The following BACE2 variants were observed in gnomAD, a reference collection of about 807,000 sequenced individuals.
BACE2 encodes 56 kDa aspartic-like protease.
A neutral mutation model predicts 46.2 loss-of-function variants in BACE2; 17 were observed. The observed-to-expected ratio is 0.37, with a 90% CI of 0.25 to 0.55. BACE2 has a LOEUF of 0.55. Ranked by LOEUF, BACE2 falls within the 20% of genes least tolerant of loss-of-function variation. The probability of loss-of-function intolerance (pLI) is 0.82; values close to 1 mark genes in which losing one functional copy is unlikely to be tolerated. For synonymous variants in BACE2, 277 were observed against 295.9 expected, an observed-to-expected ratio of 0.94 and a Z score of 0.66; for missense variants, 595 against 698.1, an observed-to-expected ratio of 0.85 and a Z score of 1.66.
chr21:41,214,078 C>T (rs966163414), intron 1 of BACE2, among the ~76,000 whole-genome samples: 1 of 152,198 alleles, frequency 6.6e-6, no homozygotes, highest in African/African-American at 2.4e-5. Flanking sequence ...ATGAGGAGCA[C>T]GTGTCACAGC....
At chr21:41,197,797 G>A (rs1052754421) in intron 1 of BACE2, among the ~76,000 whole-genome samples, 1 of 152,158 alleles carries the variant, frequency 6.6e-6, no homozygotes, top group Non-Finnish European at 1.5e-5. Flanking sequence ...ATATGGCTGA[G>A]GTAACATCAT....
intron 2 of BACE2, among the ~76,000 whole-genome samples, chr21:41,230,415 T>C (rs148833175): frequency 3.3e-4 from 51 of 152,404 alleles, no homozygotes; most frequent in African/African-American, 1.2e-3. Context: ...TCTAATGCTT[T>C]CGTGTAACTT....
In BACE2 at chr21:41,276,183, CT is replaced by C. The variant is rs1308232721; in HGVS notation, c.*563del. 1 of 153,968 alleles carries C rather than the reference CT, an allele frequency of 6.5e-6. No homozygotes were observed. The highest frequency in any genetic ancestry group is 1.4e-5 in the Non-Finnish European group (1 of 69,240). 9.5% of individuals were successfully genotyped at this position (153,968 alleles called of 1,614,324 possible). On this transcript the variant is annotated 3_prime_UTR_variant, in exon 9 of 9. Transcript: ENST00000330333. ...GACCTGGAACCAGAGCCACAGGCCC[CT>C]TTTGTGGGTTTCTCTGTGCTCTGAA... is the stretch of plus-strand genomic sequence containing the variant.
intron 1 of BACE2, among the ~76,000 whole-genome samples, chr21:41,218,044 G>A (rs970626124): frequency 4.1e-4 from 62 of 152,320 alleles, no homozygotes; most frequent in African/African-American, 1.4e-3. Context: ...CCAGTTTGTG[G>A]CTGTTTGTTA....
chr21:41,268,476 A>G lies in BACE2; in HGVS notation c.1304-6895A>G, dbSNP rs550511282. ...AAGCCCCCAGAAGGAATTTTAAATCAGCTTTCGTCTAATCTTGAGCAGCTA... is the reference window on the plus strand; with the variant it reads ...AAGCCCCCAGAAGGAATTTTAAATCGGCTTTCGTCTAATCTTGAGCAGCTA... On this transcript the variant is annotated intron_variant, in intron 8 of 8. Transcript: ENST00000330333. Among the ~76,000 whole-genome samples, 39 of 152,376 alleles carry G rather than the reference A, an allele frequency of 2.6e-4. No individual in the cohort carries two copies. The South Asian group carries it at 8.1e-3, about 32-fold the overall frequency.
intron 1 of BACE2, among the ~76,000 whole-genome samples, chr21:41,197,358 G>A (rs567615684): frequency 6.7e-6 from 1 of 148,698 alleles, no homozygotes; most frequent in Non-Finnish European, 1.5e-5. Flanking sequence ...TTCCAGATTT[G>A]CTGACATTTA....
intron 1 of BACE2, 115 bp from the exon 2 acceptor site, chr21:41,226,151 G>A: frequency 1.4e-6 from 1 of 726,012 alleles, no homozygotes; most frequent in Non-Finnish European, 2.3e-6. Flanking sequence ...CTTTTTTTTT[G>A]TTCCAACTGA....
intron 1 of BACE2, among the ~76,000 whole-genome samples, chr21:41,216,467 T>C (rs1986470029): frequency 6.6e-6 from 1 of 152,260 alleles, no homozygotes; most frequent in African/African-American, 2.4e-5. Context: ...GCTGAATGCC[T>C]GGGCAATGAG....
At position 41,279,849 on chromosome 21, in the gene BACE2, C is replaced by G. The variant is rs760480025; in HGVS notation, c.*4225C>G. ...ATGGAGAGTACAGGATGGCTGGGAC[C>G]TGGGAAGTTCCAGAATCTGAAAAGA... On this transcript the variant is annotated 3_prime_UTR_variant, in exon 9 of 9. Coordinates refer to ENST00000330333, the MANE Select transcript of BACE2 (RefSeq NM_012105.5). 1 of 152,238 alleles carries G rather than the reference C, an allele frequency of 6.6e-6. No homozygotes were observed. Among genetic ancestry groups the G allele is most frequent in the Non-Finnish European group, 1.5e-5 (1 of 68,172 alleles). The allele number at this position is 152,238 out of a possible 1,614,324, so 9.4% of individuals were successfully genotyped here.
rs2088479425 is a variant in BACE2 at position 41,275,618 on chromosome 21, G to T, written c.1551G>T (p.Trp517Cys). 1 of 1,613,644 alleles carries T rather than the reference G, an allele frequency of 6.2e-7. No homozygotes were observed. The highest frequency in any genetic ancestry group is 1.3e-5 in the African/African-American group (1 of 74,862). Residue 517 changes from tryptophan to cysteine, a missense_variant, in exon 9 of 9, where the codon TGG becomes TGT. Trp to Cys is a radical substitution (Grantham distance 215, BLOSUM62 -2). Coordinates refer to ENST00000330333, the MANE Select transcript of BACE2 (RefSeq NM_012105.5). ...NDESSLVRHR[W>C]K ...AGTCCTCTCTGGTCAGACATCGCTGGAAATGAATAGCCAGGCCTGACCTCA... is the reference window on the plus strand; with the variant it reads ...AGTCCTCTCTGGTCAGACATCGCTGTAAATGAATAGCCAGGCCTGACCTCA...
chr21:41,232,773 A>G (rs970133725), intron 2 of BACE2, among the ~76,000 whole-genome samples: 1 of 152,226 alleles, frequency 6.6e-6, no homozygotes, highest in African/African-American at 2.4e-5. Context: ...CACAGCCTAC[A>G]GAACCATGAG....
chr21:41,247,725 G>A (rs1300312534), intron 6 of BACE2, among the ~76,000 whole-genome samples: 2 of 152,246 alleles, frequency 1.3e-5, no homozygotes, highest in Non-Finnish European at 2.9e-5. Context: ...AAACCACGAG[G>A]TAGAGGGAAT....
chr21:41,178,973 G>C (rs1408206353), intron 1 of BACE2: 1 of 691,140 alleles, frequency 1.4e-6, no homozygotes, highest in Non-Finnish European at 2.1e-6. Flanking sequence ...CTCTGAGGAG[G>C]TGCAATTTGA....
At position 41,279,730 on chromosome 21, in the gene BACE2, G is replaced by T. The variant is rs1351358754; in HGVS notation, c.*4106G>T. 6.6e-6 allele frequency: 1 copy of T among 152,246 alleles called. No individual in the cohort carries two copies. The highest frequency in any genetic ancestry group is 1.5e-5 in the Non-Finnish European group (1 of 68,050). The allele number at this position is 152,246 out of a possible 1,614,324, so 9.4% of individuals were successfully genotyped here. A position where few individuals can be genotyped will look rare whatever the true frequency, so the allele number is the denominator to read the frequency against. The stretch of plus-strand genomic sequence containing the variant: ...CCAAACTTCAGGAATATTCAAGCGG[G>T]AGTCATGTGTAAGTGACAGCTTTGA... On this transcript the variant is annotated 3_prime_UTR_variant, in exon 9 of 9. Coordinates refer to ENST00000330333, the MANE Select transcript of BACE2 (RefSeq NM_012105.5).
chr21:41,223,001 C>T (rs746076996), intron 1 of BACE2, among the ~76,000 whole-genome samples: 1 of 152,150 alleles, frequency 6.6e-6, no homozygotes, highest in Non-Finnish European at 1.5e-5. Context: ...GAGATGATGT[C>T]CCATCTCAAG....
At position 41,241,808 on chromosome 21, in the gene BACE2, C is replaced by T. The variant is rs374744171; in HGVS notation, c.619-11C>T. On this transcript the variant is annotated splice_polypyrimidine_tract_variant and intron_variant, in intron 3 of 8. Coordinates refer to ENST00000330333, the MANE Select transcript of BACE2 (RefSeq NM_012105.5). Reference sequence around the variant, plus strand: ...CCTAAGCGGGTGCCCCTCTCTGTCGCCCTCCCGCAGCCATCAAGTTCTCTG... The same window carrying T: ...CCTAAGCGGGTGCCCCTCTCTGTCGTCCTCCCGCAGCCATCAAGTTCTCTG... 1.2e-6 allele frequency: 2 copies of T among 1,613,850 alleles called. No homozygotes were observed. The highest frequency in any genetic ancestry group is 2.7e-5 in the African/African-American group (2 of 74,920).
chr21:41,211,107 G>T (rs1986286730), intron 1 of BACE2, among the ~76,000 whole-genome samples: 1 of 151,940 alleles, frequency 6.6e-6, no homozygotes, highest in South Asian at 2.1e-4. Context: ...TAAATGCTAA[G>T]CATTTGGTGG....
chr21:41,240,651 C>T (rs1987259786), intron 3 of BACE2, among the ~76,000 whole-genome samples: 1 of 152,222 alleles, frequency 6.6e-6, no homozygotes, highest in African/African-American at 2.4e-5. Context: ...TGGGGGCACC[C>T]CCAGGCCCAC....
At chr21:41,266,946 T>TTGTG (rs10527457) in intron 8 of BACE2, among the ~76,000 whole-genome samples, 102 of 148,378 alleles carry the variant, frequency 6.9e-4, no homozygotes, top group Non-Finnish European at 9.2e-4. Flanking sequence ...CTCACAGTGT[T>TTGTG]TGTGTGTGTG....
Sources: allele counts gnomAD v4.1 joint callset (sites outside exome capture counted in the v4.1 genomes callset), GRCh38; gene constraint gnomAD v4.1.1; transcripts MANE v1.5; gene names NCBI Gene and HGNC (gene_info 2026-07-23, HGNC 2026-07-21).